Variants in GMDS observed in about 807,000 individuals in gnomAD.
GMDS encodes the protein GDP-mannose 4,6-dehydratase.
GMDS carries 20 observed loss-of-function variants against 49.9 expected under a neutral mutation model. That is an observed-to-expected ratio of 0.40 (90% CI 0.28 to 0.58). The LOEUF is 0.58. Among genes scored for constraint, GMDS ranks in the 20% least tolerant of loss-of-function variants. The probability of loss-of-function intolerance (pLI) is 0.42; values close to 1 mark genes in which losing one functional copy is unlikely to be tolerated. For synonymous variants in GMDS, 177 were observed against 178.6 expected (o/e 0.99, Z 0.07); for missense variants, 362 against 481.4 (o/e 0.75, Z 2.32).
intron 7 of GMDS, among the ~76,000 whole-genome samples, chr6:1,746,850 C>A (rs532337957): frequency 6.6e-6 from 1 of 151,922 alleles, no homozygotes; most frequent in Non-Finnish European, 1.5e-5. Flanking sequence ...TATAGTTGTG[C>A]GCCACCATAC....
At chr6:2,075,553 A>G (rs999785590) in intron 4 of GMDS, among the ~76,000 whole-genome samples, 5 of 152,212 alleles carry the variant, frequency 3.3e-5, no homozygotes, top group African/African-American at 1.2e-4. Flanking sequence ...GATGGTTTCC[A>G]TCTTCATCCA....
chr6:1,802,679 CA>C (rs1240646429), intron 7 of GMDS, among the ~76,000 whole-genome samples: 1 of 152,244 alleles, frequency 6.6e-6, no homozygotes, highest in Non-Finnish European at 1.5e-5. Flanking sequence ...AAGATTCCAG[CA>C]AAAACATGTG....
intron 7 of GMDS, among the ~76,000 whole-genome samples, chr6:1,876,367 T>C (rs1416413188): frequency 6.6e-6 from 1 of 152,190 alleles, no homozygotes; most frequent in African/African-American, 2.4e-5. Context: ...AAGTGAAACA[T>C]AAAAGAGATA....
intron 4 of GMDS, among the ~76,000 whole-genome samples, chr6:1,978,400 TCAGCCATTC>T (rs1372996540): frequency 1.3e-5 from 2 of 152,146 alleles, no homozygotes; most frequent in Non-Finnish European, 2.9e-5. Context: ...GTTGGATAAC[TCAGCCATTC>T]CAGCCTGCCA....
intron 1 of GMDS, among the ~76,000 whole-genome samples, chr6:2,177,413 A>G (rs1778332570): frequency 6.6e-6 from 1 of 152,188 alleles, no homozygotes; most frequent in South Asian, 2.1e-4. Context: ...CTTCAGGCCA[A>G]TATCCCTGAT....
chr6:1,898,467 C>G (rs188632956), intron 7 of GMDS, among the ~76,000 whole-genome samples: 3 of 152,268 alleles, frequency 2.0e-5, no homozygotes, highest in African/African-American at 4.8e-5. Context: ...CATTCGCTTC[C>G]TAGGGTCCAA....
intron 7 of GMDS, among the ~76,000 whole-genome samples, chr6:1,872,341 C>T (rs1758804296): frequency 6.6e-6 from 1 of 152,198 alleles, no homozygotes; most frequent in South Asian, 2.1e-4. Context: ...ATTCTTTTGC[C>T]TATGACTTGC....
chr6:2,122,531 G>A (rs930267440), intron 2 of GMDS, among the ~76,000 whole-genome samples: 4 of 145,718 alleles, frequency 2.7e-5, no homozygotes, highest in African/African-American at 1.1e-4. Context: ...GACTGCAGCT[G>A]ATAATTTGGG....
At chr6:2,121,038 G>A (rs1775110567) in intron 2 of GMDS, among the ~76,000 whole-genome samples, 1 of 152,204 alleles carries the variant, frequency 6.6e-6, no homozygotes, top group Non-Finnish European at 1.5e-5. Flanking sequence ...AGATAGGTGT[G>A]CTTATCATCC....
intron 4 of GMDS, among the ~76,000 whole-genome samples, chr6:1,972,869 A>AT (rs1438529440): frequency 6.6e-6 from 1 of 152,194 alleles, no homozygotes; most frequent in Non-Finnish European, 1.5e-5. Context: ...ATATTAACAG[A>AT]TTAAGAGTCA....
At chr6:2,230,930 T>TCTCCC (rs1781061477) in intron 1 of GMDS, among the ~76,000 whole-genome samples, 1 of 14,540 alleles carries the variant, frequency 6.9e-5, no homozygotes, top group Non-Finnish European at 1.3e-4. Context: ...AGTATTCTCT[T>TCTCCC]CCCCCCTCCC....
chr6:1,974,485 C>T (rs547755882), intron 4 of GMDS, among the ~76,000 whole-genome samples: 1 of 152,146 alleles, frequency 6.6e-6, no homozygotes, highest in South Asian at 2.1e-4. Context: ...TGCAGAGGTC[C>T]GGGAAAGGAA....
At chr6:2,231,407 T>C (rs915518448) in intron 1 of GMDS, among the ~76,000 whole-genome samples, 8 of 151,292 alleles carry the variant, frequency 5.3e-5, no homozygotes, top group African/African-American at 1.7e-4. Context: ...AAAAGAAAAA[T>C]ACAAAAAGTA....
intron 4 of GMDS, among the ~76,000 whole-genome samples, chr6:1,980,685 C>T (rs549319366): frequency 6.6e-6 from 1 of 152,284 alleles, no homozygotes; most frequent in African/African-American, 2.4e-5. Flanking sequence ...CTGAACTCAG[C>T]TCTGGATCAA....
At chr6:1,665,986 C>T (rs570374170) in intron 9 of GMDS, among the ~76,000 whole-genome samples, 3 of 152,248 alleles carry the variant, frequency 2.0e-5, no homozygotes, top group South Asian at 4.1e-4. Context: ...TTAATTTCAG[C>T]GACTTGGAGG....
At chr6:1,919,202 G>T (rs1761582116) in intron 7 of GMDS, among the ~76,000 whole-genome samples, 2 of 152,184 alleles carry the variant, frequency 1.3e-5, no homozygotes, top group South Asian at 2.1e-4. Context: ...GCTTCCCCAA[G>T]AGAGACCGAC....
chr6:1,665,844 T>A (rs1272499521), intron 9 of GMDS, among the ~76,000 whole-genome samples: 1 of 152,250 alleles, frequency 6.6e-6, no homozygotes, highest in African/African-American at 2.4e-5. Flanking sequence ...GCCCGCTGTG[T>A]GAAAAAGCTC....
chr6:1,864,670 T>G (rs756277683), intron 7 of GMDS, among the ~76,000 whole-genome samples: 11 of 152,162 alleles, frequency 7.2e-5, no homozygotes, highest in Non-Finnish European at 4.4e-5. Flanking sequence ...ACCTTGACCT[T>G]TTTAACACCA....
At chr6:2,203,201 G>C (rs1324700425) in intron 1 of GMDS, among the ~76,000 whole-genome samples, 1 of 152,084 alleles carries the variant, frequency 6.6e-6, no homozygotes, top group African/African-American at 2.4e-5. Flanking sequence ...TGGGGGGTTG[G>C]GGGGTAGTTA....
Sources: allele counts gnomAD v4.1 joint callset (sites outside exome capture counted in the v4.1 genomes callset), GRCh38; gene constraint gnomAD v4.1.1; transcripts MANE v1.5; gene names NCBI Gene and HGNC (gene_info 2026-07-23, HGNC 2026-07-21).